The following SARAF variants were observed in gnomAD, a reference collection of about 807,000 sequenced individuals.
The protein encoded by SARAF is store-operated calcium entry-associated regulatory factor.
Under a neutral mutation model 39.7 loss-of-function variants are expected in SARAF, and 23 were observed. The observed-to-expected ratio is 0.58, with a 90% CI of 0.42 to 0.82. The LOEUF (loss-of-function observed/expected upper bound fraction) is 0.82, where lower values mean the gene tolerates loss of function less well. SARAF is among the 40% of genes least tolerant of loss of function. SARAF has a pLI of 0.00. For missense variants in SARAF, 384 were observed against 418.5 expected (o/e 0.92, Z 0.72); for synonymous variants, 175 against 168.5 (o/e 1.04, Z -0.30).
At chr8:30,071,422 C>G (rs746029501) in intron 2 of SARAF, among the ~76,000 whole-genome samples, 1 of 152,148 alleles carries the variant, frequency 6.6e-6, no homozygotes, top group African/African-American at 2.4e-5. Flanking sequence ...AATTTTTGTA[C>G]AAATTATTTT....
chr8:30,078,227 T>G (rs1395171114), intron 1 of SARAF: 2 of 445,240 alleles, frequency 4.5e-6, no homozygotes, highest in East Asian at 1.4e-4. Context: ...CAGGACCAGT[T>G]CAGAAAGTCC....
In SARAF at chr8:30,066,062, T is replaced by C; in HGVS notation, c.920A>G (p.Tyr307Cys). ...GCCCGAGCCTCCATGAAGGGGTGAG[T>C]AAGCCCTATTCCACGTGCCAGGGTA... ...PSYPGTWNRA[Y>C]SPLHGGSGSY... The change falls in exon 5 of 6, where the codon TAC (tyrosine) becomes TGC (cysteine). Residue 307 changes from tyrosine to cysteine, a missense_variant. Coordinates refer to ENST00000256255, the MANE Select transcript of SARAF (RefSeq NM_016127.6). 6.2e-7 allele frequency: 1 copy of C among 1,614,066 alleles called. No homozygotes were observed.
Position 30,063,244 on chromosome 8 carries a change from T to C in SARAF, c.*644A>G, listed in dbSNP as rs1005768283. Reference sequence around the variant, plus strand: ...TTACCTCTTATGAACGAAAGAAATATAGAGGTTTCAAGCATTTTTGCCAGC... The same window carrying C: ...TTACCTCTTATGAACGAAAGAAATACAGAGGTTTCAAGCATTTTTGCCAGC... On this transcript the variant is annotated 3_prime_UTR_variant, in exon 6 of 6. Transcript: ENST00000256255. 2 of 152,200 alleles carry C rather than the reference T, an allele frequency of 1.3e-5. No individual in the cohort carries two copies. The highest frequency in any genetic ancestry group is 2.4e-5 in the African/African-American group (1 of 41,432). 9.4% of individuals were successfully genotyped at this position (152,200 alleles called of 1,614,324 possible). A position where few individuals can be genotyped will look rare whatever the true frequency, so the allele number is the denominator to read the frequency against.
chr8:30,082,297 C>T (rs990082090), intron 1 of SARAF: 1 of 151,370 alleles, frequency 6.6e-6, no homozygotes, highest in Non-Finnish European at 1.5e-5. Context: ...GAGATCACGT[C>T]ATTGCAGTGC....
Position 30,069,592 on chromosome 8 carries a change from G to A in SARAF, c.700+50C>T, listed in dbSNP as rs1801780775. On this transcript the variant is annotated intron_variant, in intron 3 of 5. Transcript: ENST00000256255. ...TCTATTTCAGAACCAAGCACAGGATGCACTAACCTCACACCCGCTCTATTT... is the reference window on the plus strand; with the variant it reads ...TCTATTTCAGAACCAAGCACAGGATACACTAACCTCACACCCGCTCTATTT... The A allele has an allele frequency of 2.0e-6, 3 of 1,513,410 alleles. No homozygotes were observed. In the South Asian group the frequency reaches 3.7e-5, roughly 19 times the overall value. 93.7% of individuals were successfully genotyped at this position (1,513,410 alleles called of 1,614,324 possible).
intron 2 of SARAF, among the ~76,000 whole-genome samples, chr8:30,070,760 A>G (rs1801822303): frequency 6.6e-6 from 1 of 152,214 alleles, no homozygotes; most frequent in African/African-American, 2.4e-5. Context: ...TTAAGGCTCA[A>G]AACAGCATCA....
chr8:30,072,509 T>C (rs1439862973), intron 2 of SARAF, among the ~76,000 whole-genome samples: 1 of 152,242 alleles, frequency 6.6e-6, no homozygotes, highest in Non-Finnish European at 1.5e-5. Flanking sequence ...GGAAGATTCA[T>C]AGGTTTGTTG....
At chr8:30,075,905 G>C (rs1385757858) in intron 1 of SARAF, among the ~76,000 whole-genome samples, 1 of 137,658 alleles carries the variant, frequency 7.3e-6, no homozygotes, top group African/African-American at 2.7e-5. Context: ...TAGATGACTA[G>C]ACCTAAGTGA....
At chr8:30,079,602 CA>C (rs1273934150) in intron 1 of SARAF, among the ~76,000 whole-genome samples, 1 of 152,068 alleles carries the variant, frequency 6.6e-6, no homozygotes, top group African/African-American at 2.4e-5. Context: ...ATGCAAAGAA[CA>C]CTGAACTAAG....
In SARAF at chr8:30,069,734, G is replaced by C. The variant is rs561853962; in HGVS notation, c.608C>G (p.Pro203Arg). 6.2e-7 allele frequency: 1 copy of C among 1,614,122 alleles called. No homozygotes were observed. Among genetic ancestry groups the C allele is most frequent in the Non-Finnish European group, 8.5e-7 (1 of 1,180,004 alleles). ...GGAAAATGGAGGATACTCAGAGTAC[G>C]GTGGAGGAGAATACTGCCCGTCACT... Reference protein sequence around the residue: ...FLSDGQYSPPPYSEYPPFSHR... With the variant: ...FLSDGQYSPPRYSEYPPFSHR... The change falls in exon 3 of 6, where the codon CCG becomes CGG. Residue 203 changes from proline (P) to arginine (R), a missense_variant. Transcript: ENST00000256255.
At position 30,063,822 on chromosome 8, in the gene SARAF, T is replaced by G; in HGVS notation, c.*66A>C. 1 of 1,397,868 alleles carries G rather than the reference T, an allele frequency of 7.2e-7. No homozygotes were observed. The highest frequency in any genetic ancestry group is 1.2e-5 in the South Asian group (1 of 86,280). 86.6% of individuals were successfully genotyped at this position (1,397,868 alleles called of 1,614,324 possible). Reference sequence around the variant, plus strand: ...CAATTGTTAACAGGTAGTACTTTTTTTCTAAAGAGAAAGTGATGAAAAATC... The same window carrying G: ...CAATTGTTAACAGGTAGTACTTTTTGTCTAAAGAGAAAGTGATGAAAAATC... On this transcript the variant is annotated 3_prime_UTR_variant, in exon 6 of 6. Coordinates refer to ENST00000256255, the MANE Select transcript of SARAF (RefSeq NM_016127.6).
intron 3 of SARAF, among the ~76,000 whole-genome samples, chr8:30,068,471 TATTTC>T (rs1801742810): frequency 6.6e-6 from 1 of 152,230 alleles, no homozygotes; most frequent in Non-Finnish European, 1.5e-5. Flanking sequence ...AGTTGTTAAT[TATTTC>T]ATTATATATT....
intron 1 of SARAF, among the ~76,000 whole-genome samples, chr8:30,079,158 C>CAAA (rs60893961): frequency 1.5e-4 from 8 of 54,642 alleles, no homozygotes; most frequent in African/African-American, 3.5e-4. Flanking sequence ...AACTCCATCT[C>CAAA]AAAAAAAAAA....
chr8:30,078,576 C>T (rs184530929), intron 1 of SARAF, among the ~76,000 whole-genome samples: 40 of 152,288 alleles, frequency 2.6e-4, no homozygotes, highest in Admixed American at 1.3e-3. Context: ...AAAAGTCTGG[C>T]TGGGTTTGCC....
chr8:30,075,811 G>C (rs902772368), intron 1 of SARAF, among the ~76,000 whole-genome samples: 1 of 151,890 alleles, frequency 6.6e-6, no homozygotes, highest in Non-Finnish European at 1.5e-5. Flanking sequence ...ACATTGTTTT[G>C]ATGATGTGAA....
intron 1 of SARAF, among the ~76,000 whole-genome samples, chr8:30,074,347 T>C (rs1347910113): frequency 6.6e-6 from 1 of 152,204 alleles, no homozygotes; most frequent in Non-Finnish European, 1.5e-5. Flanking sequence ...CCTGAAACAT[T>C]GTACTACTGT....
chr8:30,074,599 C>A (rs993680080), intron 1 of SARAF, among the ~76,000 whole-genome samples: 1 of 152,034 alleles, frequency 6.6e-6, no homozygotes, highest in South Asian at 2.1e-4. Context: ...TTTACATAAA[C>A]CTTTAAAAAA....
chr8:30,065,626 G>C, intron 5 of SARAF: 1 of 210,510 alleles, frequency 4.8e-6, no homozygotes, highest in South Asian at 6.6e-5. Flanking sequence ...GAAAATTAAA[G>C]TATACCTCAA....
intron 3 of SARAF, among the ~76,000 whole-genome samples, chr8:30,067,250 G>T (rs1801711646): frequency 6.6e-6 from 1 of 152,154 alleles, no homozygotes; most frequent in African/African-American, 2.4e-5. Context: ...ACTCTAAGTG[G>T]AGTCTCTAAG....
Sources: gnomAD v4.1 joint callset for allele counts (sites outside exome capture counted in the v4.1 genomes callset) on GRCh38, gnomAD v4.1.1 for gene constraint, MANE v1.5 for transcripts, NCBI Gene and HGNC (gene_info 2026-07-23, HGNC 2026-07-21) for gene names.